EXOC6: variants seen among roughly 807,000 people sequenced by gnomAD.
EXOC6 encodes exocyst complex component 6.
A neutral mutation model predicts 112.5 loss-of-function variants in EXOC6; 60 were observed. The observed-to-expected ratio is 0.53, with a 90% CI of 0.43 to 0.66. EXOC6 has a LOEUF of 0.66. Among genes scored for constraint, EXOC6 ranks in the 30% least tolerant of loss-of-function variants. The pLI is 0.00. For missense variants in EXOC6, 855 were observed against 957.1 expected, an observed-to-expected ratio of 0.89 and a Z score of 1.41; for synonymous variants, 295 against 308.0, an observed-to-expected ratio of 0.96 and a Z score of 0.44.
At chr10:92,927,088 A>C (rs2133930587) in intron 8 of EXOC6, among the ~76,000 whole-genome samples, 1 of 152,330 alleles carries the variant, frequency 6.6e-6, no homozygotes, top group African/African-American at 2.4e-5. Flanking sequence ...TCTGCATTTT[A>C]AGTTTACTTT....
At chr10:92,913,386 T>C (rs1564825031) in intron 6 of EXOC6, among the ~76,000 whole-genome samples, 1 of 152,220 alleles carries the variant, frequency 6.6e-6, no homozygotes, top group Non-Finnish European at 1.5e-5. Flanking sequence ...GTTACTGTCC[T>C]AAAATGCAGA....
At chr10:92,982,636 C>G (rs1842867422) in intron 18 of EXOC6, among the ~76,000 whole-genome samples, 1 of 152,142 alleles carries the variant, frequency 6.6e-6, no homozygotes, top group Non-Finnish European at 1.5e-5. Flanking sequence ...AGTATATGCT[C>G]AATAATAAGA....
In EXOC6 at chr10:93,035,281, G is replaced by A. The variant is rs185204433; in HGVS notation, c.2169+21014G>A. ...TAGGTGATAGGTGCTTATGCCTTCAGCTATCGATATGAACTTTGAACTCAA... is the reference window on the plus strand; with the variant it reads ...TAGGTGATAGGTGCTTATGCCTTCAACTATCGATATGAACTTTGAACTCAA... On this transcript the variant is annotated intron_variant, in intron 20 of 21. Transcript: ENST00000260762. Among the ~76,000 whole-genome samples, 220 of 152,250 alleles carry A rather than the reference G, an allele frequency of 1.4e-3. 1 individual carries two copies. The highest frequency in any genetic ancestry group is 2.7e-3 in the Non-Finnish European group (181 of 68,002).
At chr10:92,904,800 A>T (rs1376685705) in intron 5 of EXOC6, among the ~76,000 whole-genome samples, 2 of 152,016 alleles carry the variant, frequency 1.3e-5, no homozygotes, top group East Asian at 3.8e-4. Flanking sequence ...ATTAAATTGG[A>T]AAAGTCCAGT....
rs1478056459 is a variant in EXOC6, at chr10:92,948,381, T to TAC, written c.1416+4_1416+5dup. On this transcript the variant is annotated splice_region_variant and intron_variant, in intron 14 of 21. Coordinates refer to ENST00000260762, the MANE Select transcript of EXOC6 (RefSeq NM_019053.6). The stretch of plus-strand genomic sequence containing the variant: ...TTTCAAGATCCAGACCTTGAAAAGG[T>TAC]ACAAGCTAGTTTTTAATTCAAGGAT... 2.7e-6 allele frequency: 4 copies of TAC among 1,492,568 alleles called. No homozygotes were observed. Among genetic ancestry groups the TAC allele is most frequent in the Non-Finnish European group, 3.6e-6 (4 of 1,096,668 alleles). The allele number at this position is 1,492,568 out of a possible 1,614,324, so 92.5% of individuals were successfully genotyped here. A position where few individuals can be genotyped will look rare whatever the true frequency, so the allele number is the denominator to read the frequency against.
At chr10:92,871,470 G>A (rs1405139183) in intron 1 of EXOC6, among the ~76,000 whole-genome samples, 1 of 144,520 alleles carries the variant, frequency 6.9e-6, no homozygotes. Context: ...CTGCACTCCT[G>A]CCTGGGTGAC....
intron 1 of EXOC6, among the ~76,000 whole-genome samples, chr10:92,880,731 T>C (rs1417697485): frequency 6.6e-6 from 1 of 152,034 alleles, no homozygotes; most frequent in Non-Finnish European, 1.5e-5. Flanking sequence ...ATTAAGGAAC[T>C]GTCTTGAGCT....
At chr10:92,988,786 A>T (rs1273063062) in intron 18 of EXOC6, among the ~76,000 whole-genome samples, 1 of 143,824 alleles carries the variant, frequency 7.0e-6, no homozygotes, top group Non-Finnish European at 1.5e-5. Context: ...ACAAAACCCC[A>T]TCTCTACAAA....
chr10:92,889,836 A>G (rs1849410018), intron 1 of EXOC6, among the ~76,000 whole-genome samples: 1 of 151,808 alleles, frequency 6.6e-6, no homozygotes. Flanking sequence ...TTCTGTCTCA[A>G]ACTCCTGGGC....
chr10:92,828,736 T>C (rs1408261164), intron 1 of EXOC6, among the ~76,000 whole-genome samples: 1 of 149,130 alleles, frequency 6.7e-6, no homozygotes, highest in Non-Finnish European at 1.5e-5. Flanking sequence ...GTGTATTTTT[T>C]TTTTTTTTGT....
chr10:92,954,742 G>A lies in EXOC6; in HGVS notation c.1638+1G>A, dbSNP rs1853597407. The A allele has an allele frequency of 2.0e-5, 28 of 1,417,656 alleles. No homozygotes were observed. Among genetic ancestry groups the A allele is most frequent in the Non-Finnish European group, 2.7e-5 (27 of 1,009,620 alleles). The allele number at this position is 1,417,656 out of a possible 1,614,324, so 87.8% of individuals were successfully genotyped here. A position where few individuals can be genotyped will look rare whatever the true frequency, so the allele number is the denominator to read the frequency against. On this transcript the variant is annotated splice_donor_variant, in intron 16 of 21. Transcript: ENST00000260762. LOFTEE classifies it high-confidence loss of function. The stretch of plus-strand genomic sequence containing the variant: ...AAAACCTCATATAGGTTTGACAGAG[G>A]TAGGTTAAAAAGACACATATAGTGA...
chr10:92,975,243 C>T (rs1163702938), intron 18 of EXOC6, among the ~76,000 whole-genome samples: 5 of 151,970 alleles, frequency 3.3e-5, no homozygotes, highest in Non-Finnish European at 7.4e-5. Flanking sequence ...TGAGGAGCGC[C>T]TCTACCCGGC....
chr10:92,992,949 C>T (rs1048936032), intron 18 of EXOC6, among the ~76,000 whole-genome samples: 1 of 151,548 alleles, frequency 6.6e-6, no homozygotes, highest in African/African-American at 2.4e-5. Flanking sequence ...TAAAATACTT[C>T]CCTTCTTTTG....
chr10:92,831,724 C>A (rs901335860), upstream of EXOC6, among the ~76,000 whole-genome samples: 1 of 152,058 alleles, frequency 6.6e-6, no homozygotes, highest in Non-Finnish European at 1.5e-5. Context: ...TGTGACCCAC[C>A]GCGCCCAGCC....
rs961299041 is a variant in EXOC6 at position 93,059,161 on chromosome 10, G to A, written c.*806G>A. On this transcript the variant is annotated 3_prime_UTR_variant, in exon 22 of 22. Coordinates refer to ENST00000260762, the MANE Select transcript of EXOC6 (RefSeq NM_019053.6). ...CGAGGGTAGATGGTTCCTGCACACA[G>A]AAGTTACCACAGGGGTCAGGTTACT... The A allele has an allele frequency of 6.6e-6, 1 of 152,220 alleles. No individual in the cohort carries two copies. The highest frequency in any genetic ancestry group is 1.5e-5 in the Non-Finnish European group (1 of 68,046). 9.4% of individuals were successfully genotyped at this position (152,220 alleles called of 1,614,324 possible). A position where few individuals can be genotyped will look rare whatever the true frequency, so the allele number is the denominator to read the frequency against.
intron 4 of EXOC6, 127 bp downstream of exon 4, chr10:92,895,147 C>A: frequency 1.5e-6 from 1 of 657,914 alleles, no homozygotes; most frequent in Non-Finnish European, 2.7e-6. Context: ...AAAGACCATG[C>A]TTATCTTTCA....
At chr10:92,854,414 C>T (rs897760095) in intron 1 of EXOC6, among the ~76,000 whole-genome samples, 4 of 149,738 alleles carry the variant, frequency 2.7e-5, no homozygotes, top group African/African-American at 4.9e-5. Flanking sequence ...CCAGCCTGGG[C>T]GACAGAATGA....
upstream of EXOC6, among the ~76,000 whole-genome samples, chr10:92,830,025 A>C (rs1846447708): frequency 6.6e-6 from 1 of 152,028 alleles, no homozygotes; most frequent in Non-Finnish European, 1.5e-5. Context: ...TGAATAATCC[A>C]CCCCTTGTTT....
intron 18 of EXOC6, among the ~76,000 whole-genome samples, chr10:92,974,722 C>T (rs1366409434): frequency 2.0e-5 from 3 of 152,226 alleles, no homozygotes; most frequent in South Asian, 2.1e-4. Flanking sequence ...CACGCCACCA[C>T]GCCTGACTGG....
Sources: allele counts gnomAD v4.1 joint callset (sites outside exome capture counted in the v4.1 genomes callset), GRCh38; gene constraint gnomAD v4.1.1; transcripts MANE v1.5; gene names NCBI Gene and HGNC (gene_info 2026-07-23, HGNC 2026-07-21).